Variants in PITPNB observed in about 807,000 individuals in gnomAD.
PITPNB encodes the protein phosphatidylinositol transfer protein beta isoform.
Under a neutral mutation model 45.9 loss-of-function variants are expected in PITPNB, and 16 were observed. The observed-to-expected ratio is 0.35, with a 90% CI of 0.24 to 0.53. The LOEUF (loss-of-function observed/expected upper bound fraction) is 0.53, where lower values mean the gene tolerates loss of function less well. Among genes scored for constraint, PITPNB ranks in the 20% least tolerant of loss-of-function variants. PITPNB has a pLI of 0.93. For missense variants in PITPNB, 188 were observed against 330.5 expected, an observed-to-expected ratio of 0.57 and a Z score of 3.34; for synonymous variants, 112 against 108.9, an observed-to-expected ratio of 1.03 and a Z score of -0.18.
chr22:27,894,411 A>T, intron 7 of PITPNB, 144 bp downstream of exon 7: 1 of 575,760 alleles, frequency 1.7e-6, no homozygotes, highest in Non-Finnish European at 3.1e-6. Flanking sequence ...ACTAGACTTC[A>T]CTCCAAGCTC....
intron 9 of PITPNB, among the ~76,000 whole-genome samples, chr22:27,859,442 T>C (rs958690791): frequency 6.6e-6 from 1 of 152,156 alleles, no homozygotes; most frequent in Non-Finnish European, 1.5e-5. Flanking sequence ...TTTATAATAA[T>C]AACAGAATAA....
chr22:27,891,681 C>A (rs1055131972), intron 7 of PITPNB, among the ~76,000 whole-genome samples: 2 of 152,172 alleles, frequency 1.3e-5, no homozygotes, highest in Non-Finnish European at 2.9e-5. Context: ...CCTCCTTCCT[C>A]CTCCTCTCTC....
Position 27,852,677 on chromosome 22 carries a change from G to A in PITPNB, c.*1025C>T, listed in dbSNP as rs1159544067. 2 of 152,432 alleles carry A rather than the reference G, an allele frequency of 1.3e-5. No individual in the cohort carries two copies. The highest frequency in any genetic ancestry group is 2.4e-5 in the African/African-American group (1 of 41,450). 9.4% of individuals were successfully genotyped at this position (152,432 alleles called of 1,614,324 possible). A position where few individuals can be genotyped will look rare whatever the true frequency, so the allele number is the denominator to read the frequency against. On this transcript the variant is annotated 3_prime_UTR_variant, in exon 12 of 12. Coordinates refer to ENST00000335272, the MANE Select transcript of PITPNB (RefSeq NM_012399.5). ...GTCATCACTAACTATATCCTATCAT[G>A]TGAGCTCTGAGGAATCTAGACCATT...
At chr22:27,874,393 T>G (rs1934757603) in intron 7 of PITPNB, among the ~76,000 whole-genome samples, 1 of 152,094 alleles carries the variant, frequency 6.6e-6, no homozygotes, top group Admixed American at 6.6e-5. Flanking sequence ...GTCTTCCTCA[T>G]AGAAGGACTG....
intron 7 of PITPNB, among the ~76,000 whole-genome samples, chr22:27,889,821 T>C (rs1439755388): frequency 6.6e-6 from 1 of 152,198 alleles, no homozygotes; most frequent in Non-Finnish European, 1.5e-5. Flanking sequence ...GACATTACCG[T>C]TTTAGAATAG....
intron 3 of PITPNB, among the ~76,000 whole-genome samples, chr22:27,909,216 T>G (rs1186785236): frequency 6.7e-6 from 1 of 149,334 alleles, no homozygotes; most frequent in Non-Finnish European, 1.5e-5. Flanking sequence ...ACTTTTTTTT[T>G]TTTTTTTTTT....
chr22:27,877,766 G>A (rs144204326), intron 7 of PITPNB, among the ~76,000 whole-genome samples: 1 of 152,162 alleles, frequency 6.6e-6, no homozygotes, highest in Admixed American at 6.5e-5. Context: ...TAGGAGGTGG[G>A]GGGCAGGCTG....
In PITPNB at chr22:27,910,185, C is replaced by T. The variant is rs531104066; in HGVS notation, c.197+779G>A. 5.9e-5 allele frequency among the ~76,000 whole-genome samples: 9 copies of T among 152,048 alleles called. 1 individual carries two copies. In the South Asian group the frequency reaches 1.0e-3, roughly 18 times the overall value. ...CAGGGTGGTCTCGATCTCTTGACCT[C>T]GTAATCTGCCCGCCTCAGCCTCCCA... On this transcript the variant is annotated intron_variant, in intron 3 of 11. Transcript: ENST00000335272.
chr22:27,869,267 C>G (rs930060668), intron 8 of PITPNB, among the ~76,000 whole-genome samples: 1 of 152,166 alleles, frequency 6.6e-6, no homozygotes, highest in Admixed American at 6.5e-5. Flanking sequence ...ATAATTTCTG[C>G]ACTCAGATTT....
chr22:27,899,854 T>C (rs1022210566), intron 3 of PITPNB, among the ~76,000 whole-genome samples: 1 of 152,186 alleles, frequency 6.6e-6, no homozygotes, highest in African/African-American at 2.4e-5. Context: ...AGACTACCTA[T>C]TCATCTGAGA....
chr22:27,901,342 T>C (rs1243559959), intron 3 of PITPNB, among the ~76,000 whole-genome samples: 8 of 152,146 alleles, frequency 5.3e-5, no homozygotes. Context: ...CCATGCACTT[T>C]TCCCTGGAAA....
intron 7 of PITPNB, chr22:27,894,257 T>G (rs567934891): frequency 2.5e-4 from 58 of 229,100 alleles, no homozygotes; most frequent in Non-Finnish European, 4.1e-4. Flanking sequence ...TTGTAAACAA[T>G]GTGTTTTTTG....
chr22:27,853,495 A>G lies in PITPNB; in HGVS notation c.*207T>C. On this transcript the variant is annotated 3_prime_UTR_variant, in exon 12 of 12. Transcript: ENST00000335272. Reference sequence around the variant, plus strand: ...CTACATGCGCTTTATATACAGCTACAGACATATGCACACATACATATATAC... The same window carrying G: ...CTACATGCGCTTTATATACAGCTACGGACATATGCACACATACATATATAC... 1.3e-6 allele frequency: 1 copy of G among 760,090 alleles called. No homozygotes were observed. The highest frequency in any genetic ancestry group is 2.1e-5 in the Admixed American group (1 of 48,216). The allele number at this position is 760,090 out of a possible 1,614,324, so 47.1% of individuals were successfully genotyped here. A position where few individuals can be genotyped will look rare whatever the true frequency, so the allele number is the denominator to read the frequency against.
chr22:27,864,155 C>T (rs1021754975), intron 8 of PITPNB, among the ~76,000 whole-genome samples: 8 of 152,142 alleles, frequency 5.3e-5, no homozygotes, highest in Non-Finnish European at 8.8e-5. Context: ...AAGCTATATA[C>T]ATTTTTTTCA....
chr22:27,856,761 T>C (rs1934185824), intron 10 of PITPNB, among the ~76,000 whole-genome samples: 1 of 152,134 alleles, frequency 6.6e-6, no homozygotes, highest in Non-Finnish European at 1.5e-5. Flanking sequence ...GCTGCTTCTG[T>C]TTCATGTTCA....
intron 8 of PITPNB, among the ~76,000 whole-genome samples, chr22:27,866,465 A>G (rs975895483): frequency 6.6e-6 from 1 of 152,240 alleles, no homozygotes; most frequent in African/African-American, 2.4e-5. Flanking sequence ...AGGAGTGAGC[A>G]ATCAGTACAT....
intron 8 of PITPNB, among the ~76,000 whole-genome samples, chr22:27,865,848 C>G (rs1215982753): frequency 6.6e-6 from 1 of 152,084 alleles, no homozygotes; most frequent in Non-Finnish European, 1.5e-5. Flanking sequence ...ACCCCCAAAC[C>G]TAAAATAAAA....
chr22:27,902,949 T>C (rs556536158), intron 3 of PITPNB, among the ~76,000 whole-genome samples: 1 of 152,302 alleles, frequency 6.6e-6, no homozygotes, highest in South Asian at 2.1e-4. Context: ...CGGGCTGGTC[T>C]TGAAATCCTG....
chr22:27,882,404 A>G (rs1934998724), intron 7 of PITPNB, among the ~76,000 whole-genome samples: 1 of 152,220 alleles, frequency 6.6e-6, no homozygotes, highest in South Asian at 2.1e-4. Context: ...AATTTCAAAA[A>G]ACAGGTACTG....
Sources: allele counts gnomAD v4.1 joint callset (sites outside exome capture counted in the v4.1 genomes callset), GRCh38; gene constraint gnomAD v4.1.1; transcripts MANE v1.5; gene names NCBI Gene and HGNC (gene_info 2026-07-23, HGNC 2026-07-21).